RRBP1: variants seen among roughly 807,000 people sequenced by gnomAD.
RRBP1 encodes the protein ribosome binding protein 1, also known as ribosome-binding protein 1.
A neutral mutation model predicts 165.2 loss-of-function variants in RRBP1; 94 were observed. That is an observed-to-expected ratio of 0.57 (90% confidence interval 0.48 to 0.68). The LOEUF (loss-of-function observed/expected upper bound fraction) is 0.68, where lower values mean the gene tolerates loss of function less well. Among genes scored for constraint, RRBP1 ranks in the 30% least tolerant of loss-of-function variants. RRBP1 has a pLI of 0.00. For missense variants in RRBP1, 1,676 were observed against 1,763.0 expected, an observed-to-expected ratio of 0.95 and a Z score of 0.88; for synonymous variants, 680 against 714.5, an observed-to-expected ratio of 0.95 and a Z score of 0.77.
At chr20:17,628,232 G>C (rs1240570193) in intron 9 of RRBP1, among the ~76,000 whole-genome samples, 2 of 152,118 alleles carry the variant, frequency 1.3e-5, no homozygotes, top group East Asian at 3.9e-4. Context: ...GTGCCTCTGA[G>C]GCTGCACTCT....
chr20:17,615,610 G>A (rs2035784533), intron 22 of RRBP1, 81 bp from the exon 23 acceptor site: 5 of 1,209,892 alleles, frequency 4.1e-6, no homozygotes, highest in Admixed American at 2.9e-5. Context: ...GCACGCCTGG[G>A]GACCAGGGGG....
intron 1 of RRBP1, among the ~76,000 whole-genome samples, chr20:17,680,763 G>T (rs527785680): frequency 6.6e-6 from 1 of 151,848 alleles, no homozygotes; most frequent in Non-Finnish European, 1.5e-5. Flanking sequence ...CCGCAGTGCC[G>T]GAGCCAGGCC....
intron 1 of RRBP1, among the ~76,000 whole-genome samples, chr20:17,680,456 G>A (rs2037160006): frequency 6.6e-6 from 1 of 152,170 alleles, no homozygotes; most frequent in Admixed American, 6.5e-5. Flanking sequence ...CACGCAGAGT[G>A]AATAGCTGAG....
chr20:17,624,556 G>A lies in RRBP1; in HGVS notation c.3147+20C>T, dbSNP rs1271450367. On this transcript the variant is annotated intron_variant, in intron 13 of 24. Transcript: ENST00000377813. Reference sequence around the variant, plus strand: ...AGTGCACTTTCCATGGTGGGGGTGTGAGTGTGGTCGGGCTCTGACCTTGGC... The same window carrying A: ...AGTGCACTTTCCATGGTGGGGGTGTAAGTGTGGTCGGGCTCTGACCTTGGC... The A allele has an allele frequency of 7.8e-6, 12 of 1,531,410 alleles. No homozygotes were observed. Among genetic ancestry groups the A allele is most frequent in the Non-Finnish European group, 1.1e-5 (12 of 1,118,344 alleles). The allele number at this position is 1,531,410 out of a possible 1,614,324, so 94.9% of individuals were successfully genotyped here. A position where few individuals can be genotyped will look rare whatever the true frequency, so the allele number is the denominator to read the frequency against.
At chr20:17,649,409 A>T (rs3790314) in intron 3 of RRBP1, among the ~76,000 whole-genome samples, 1,717 of 152,328 alleles carry the variant, frequency 0.011, 72 homozygotes, top group East Asian at 0.071. Flanking sequence ...TCTGTCAAAC[A>T]GGTAAAAATT....
chr20:17,653,436 C>T (rs1600763402), intron 3 of RRBP1, among the ~76,000 whole-genome samples: 1 of 152,230 alleles, frequency 6.6e-6, no homozygotes, highest in Non-Finnish European at 1.5e-5. Flanking sequence ...AAGAAATGTC[C>T]CTGGAGCCCG....
At chr20:17,616,286 C>T (rs759587274) in intron 21 of RRBP1, among the ~76,000 whole-genome samples, 3 of 152,158 alleles carry the variant, frequency 2.0e-5, no homozygotes, top group African/African-American at 7.2e-5. Flanking sequence ...ACCCCCTTAA[C>T]AGCCACACCA....
Position 17,636,465 on chromosome 20 carries a change from C to T in RRBP1, c.2337+112G>A. On this transcript the variant is annotated intron_variant, in intron 6 of 24. Coordinates refer to ENST00000377813, the MANE Select transcript of RRBP1 (RefSeq NM_001365613.2). ...ACCAGACCTTACAGACCCCTGTGGG[C>T]ATCCTCAACCCCCTCCTCATGCCTC... The T allele has an allele frequency of 3.1e-6, 4 of 1,294,734 alleles. No individual in the cohort carries two copies. The South Asian group carries it at 4.0e-5, about 13-fold the overall frequency. The allele number at this position is 1,294,734 out of a possible 1,614,324, so 80.2% of individuals were successfully genotyped here.
chr20:17,630,034 C>T lies in RRBP1; in HGVS notation c.2611-73G>A, dbSNP rs1203807316. On this transcript the variant is annotated intron_variant, in intron 8 of 24. Transcript: ENST00000377813. ...GCCCTCAGCGGCTCTGCGGTGGAGGCGGACAGAGCTCTTTACCCCACCAAA... is the reference window on the plus strand; with the variant it reads ...GCCCTCAGCGGCTCTGCGGTGGAGGTGGACAGAGCTCTTTACCCCACCAAA... The T allele has an allele frequency of 2.3e-5, 34 of 1,489,108 alleles. No homozygotes were observed. In the South Asian group the frequency reaches 2.3e-4, roughly 10 times the overall value. 92.2% of individuals were successfully genotyped at this position (1,489,108 alleles called of 1,614,324 possible). A position where few individuals can be genotyped will look rare whatever the true frequency, so the allele number is the denominator to read the frequency against.
At position 17,620,740 on chromosome 20, in the gene RRBP1, C is replaced by T. The variant is rs904193258; in HGVS notation, c.3482G>A (p.Gly1161Asp). ...EEEQVWRAKV[G>D]AAEEELQKSR... ...CTTCTGGAGCTCCTCCTCTGCGGCG[C>T]CCACCTTGGCCCTCCACACCTGCTC... The change falls in exon 17 of 25, where the codon GGC (glycine) becomes GAC (aspartate). Residue 1161 changes from glycine to aspartate, a missense_variant. Transcript: ENST00000377813. 1.6e-5 allele frequency: 26 copies of T among 1,606,376 alleles called. No homozygotes were observed. The highest frequency in any genetic ancestry group is 2.2e-5 in the Non-Finnish European group (26 of 1,179,554).
chr20:17,679,708 C>T (rs995496398), intron 2 of RRBP1, among the ~76,000 whole-genome samples: 1 of 152,214 alleles, frequency 6.6e-6, no homozygotes, highest in African/African-American at 2.4e-5. Flanking sequence ...CATAATTGCT[C>T]AAATGTGACT....
chr20:17,621,207 A>T (rs2035906642), intron 16 of RRBP1, among the ~76,000 whole-genome samples: 1 of 152,112 alleles, frequency 6.6e-6, no homozygotes, highest in Non-Finnish European at 1.5e-5. Context: ...CCAGCTGCTT[A>T]CCCCGTCCTT....
At position 17,627,677 on chromosome 20, in the gene RRBP1, G is replaced by A. The variant is rs2036055748; in HGVS notation, c.2755C>T (p.His919Tyr). ...QEQQQQMAEL[H>Y]SKLQSSEAEV... ...GCCTCGGAGGACTGTAACTTGCTGT[G>A]CAGCTCTGGTGCAGAGGAAGGGAAA... Residue 919 changes from histidine (H) to tyrosine (Y), a missense_variant, in exon 10 of 25, where the codon CAC becomes TAC. Transcript: ENST00000377813. 2 of 1,599,558 alleles carry A rather than the reference G, an allele frequency of 1.3e-6. No homozygotes were observed. The highest frequency in any genetic ancestry group is 1.7e-4 in the Middle Eastern group (1 of 5,984).
intron 3 of RRBP1, among the ~76,000 whole-genome samples, chr20:17,654,677 G>C (rs998211453): frequency 4.6e-5 from 7 of 152,116 alleles, no homozygotes; most frequent in African/African-American, 1.7e-4. Context: ...AGTCCACACT[G>C]CCCTATCAAC....
chr20:17,620,706 T>C lies in RRBP1; in HGVS notation c.3507+9A>G, dbSNP rs1441991606. ...CACGGCGCCGGGAGGCAGGCAGGGCTGCATATACCTTCTGGAGCTCCTCCT... is the reference window on the plus strand; with the variant it reads ...CACGGCGCCGGGAGGCAGGCAGGGCCGCATATACCTTCTGGAGCTCCTCCT... On this transcript the variant is annotated intron_variant, in intron 17 of 24. Coordinates refer to ENST00000377813, the MANE Select transcript of RRBP1 (RefSeq NM_001365613.2). 4 of 1,600,242 alleles carry C rather than the reference T, an allele frequency of 2.5e-6. No homozygotes were observed. The highest frequency in any genetic ancestry group is 3.4e-6 in the Non-Finnish European group (4 of 1,176,282).
chr20:17,630,054 A>C, intron 8 of RRBP1, 93 bp from the exon 9 acceptor site: 5 of 1,377,980 alleles, frequency 3.6e-6, no homozygotes, highest in South Asian at 1.4e-5. Context: ...TCTTTACCCC[A>C]CCAAAGCCCC....
Position 17,660,440 on chromosome 20 carries a change from A to C in RRBP1, c.68T>G (p.Ile23Ser), listed in dbSNP as rs756545346. 6.2e-7 allele frequency: 1 copy of C among 1,614,182 alleles called. No homozygotes were observed. The highest frequency in any genetic ancestry group is 1.1e-5 in the South Asian group (1 of 91,078). ...GAAAGTCGACACCAGGAAGATGCCAATGGCAGAAACAACCATGAATCCTCC... is the reference window on the plus strand; with the variant it reads ...GAAAGTCGACACCAGGAAGATGCCACTGGCAGAAACAACCATGAATCCTCC... ...VFGGFMVVSA[I>S]GIFLVSTFSM... The change falls in exon 3 of 25, where the codon ATT becomes AGT. Residue 23 changes from isoleucine (I) to serine (S), a missense_variant. Around this residue, in one of 5 missense-constraint regions of RRBP1, gnomAD observed 392 missense variants for 382.5 expected, o/e 1.02. Coordinates refer to ENST00000377813, the MANE Select transcript of RRBP1 (RefSeq NM_001365613.2).
At chr20:17,639,914 A>G (rs79773317) in intron 5 of RRBP1, among the ~76,000 whole-genome samples, 1 of 144,882 alleles carries the variant, frequency 6.9e-6, no homozygotes, top group Admixed American at 7.0e-5. Flanking sequence ...AAAAAAAAAA[A>G]GAATAAGGTA....
At chr20:17,630,595 G>C (rs143299088) in intron 8 of RRBP1, among the ~76,000 whole-genome samples, 1 of 152,216 alleles carries the variant, frequency 6.6e-6, no homozygotes, top group Non-Finnish European at 1.5e-5. Context: ...TGTTTGCCCA[G>C]TTCCCGGCTC....
Sources: gnomAD v4.1 joint callset for allele counts (sites outside exome capture counted in the v4.1 genomes callset) on GRCh38, gnomAD v4.1.1 for gene constraint, gnomAD v4.1.1 regional missense constraint, MANE v1.5 for transcripts, NCBI Gene and HGNC (gene_info 2026-07-23, HGNC 2026-07-21) for gene names.